The following HMCN2 variants were observed in gnomAD, a reference collection of about 807,000 sequenced individuals.
HMCN2 encodes the protein hemicentin 2, also known as hemicentin-2.
HMCN2 carries 325 observed loss-of-function variants against 377.5 expected under a neutral mutation model. The observed-to-expected ratio is 0.86, with a 90% CI of 0.79 to 0.94. The LOEUF is 0.94. Ranked by LOEUF, HMCN2 falls within the 40% of genes least tolerant of loss-of-function variation. HMCN2 has a pLI of 0.00. For synonymous variants in HMCN2, 2,007 were observed against 2,046.8 expected (o/e 0.98, Z 0.53); for missense variants, 4,543 against 4,725.3 (o/e 0.96, Z 1.13).
intron 78 of HMCN2, 26 bp from the exon 79 acceptor site, chr9:130,403,168 G>A (rs1177302796): frequency 1.6e-6 from 2 of 1,282,768 alleles, no homozygotes; most frequent in East Asian, 5.6e-5. Flanking sequence ...CATTCTCAGG[G>A]CCCTCTGCAC....
At chr9:130,375,461 C>A in intron 49 of HMCN2, 102 bp from the exon 50 acceptor site, 1 of 599,272 alleles carries the variant, frequency 1.7e-6, no homozygotes, top group Middle Eastern at 8.6e-4. Flanking sequence ...ATGTAACTGA[C>A]AGAAGTACCG....
At chr9:130,365,026 C>T (rs1335617822) in intron 41 of HMCN2, 137 bp downstream of exon 41, 2 of 404,002 alleles carry the variant, frequency 5.0e-6, no homozygotes, top group African/African-American at 2.2e-5. Flanking sequence ...AGGACTGGTT[C>T]CTCGGGGCCT....
chr9:130,399,304 TAC>T (rs1472439102), intron 75 of HMCN2, among the ~76,000 whole-genome samples: 1 of 147,984 alleles, frequency 6.8e-6, no homozygotes, highest in Admixed American at 6.7e-5. Flanking sequence ...AAAACCAATG[TAC>T]AGAGAAACAG....
intron 77 of HMCN2, among the ~76,000 whole-genome samples, chr9:130,401,889 C>G (rs757398508): frequency 2.0e-5 from 3 of 151,878 alleles, no homozygotes; most frequent in Admixed American, 6.6e-5. Flanking sequence ...GCCTGGGCAA[C>G]ACAGCAAGAC....
At position 130,399,624 on chromosome 9, in the gene HMCN2, C is replaced by G. The variant is rs1359151257; in HGVS notation, c.11597C>G (p.Thr3866Ser). 1 of 1,289,518 alleles carries G rather than the reference C, an allele frequency of 7.8e-7. No homozygotes were observed. Among genetic ancestry groups the G allele is most frequent in the African/African-American group, 1.5e-5 (1 of 66,000 alleles). 79.9% of individuals were successfully genotyped at this position (1,289,518 alleles called of 1,614,324 possible). A position where few individuals can be genotyped will look rare whatever the true frequency, so the allele number is the denominator to read the frequency against. ...GAGGCCCACAGGCTCTACCAGGTGA[C>G]CGTCCATGGTGAGTCGGGGCAGAGG... is the stretch of plus-strand genomic sequence containing the variant. ...VGEAHRLYQV[T>S]VHVPPTIADD... Residue 3866 changes from threonine to serine, a missense_variant, in exon 76 of 98, where the codon ACC becomes AGC. Thr to Ser is a moderately conservative substitution (Grantham distance 58). Around this residue, in one of 5 missense-constraint regions of HMCN2, gnomAD observed 1,073 missense variants for 1,319.5 expected, o/e 0.81. Coordinates refer to ENST00000683500, the MANE Select transcript of HMCN2 (RefSeq NM_001291815.2).
intron 94 of HMCN2, chr9:130,429,917 C>A: frequency 1.3e-6 from 1 of 782,980 alleles, no homozygotes; most frequent in Non-Finnish European, 1.9e-6. Flanking sequence ...AAACCTCAGC[C>A]TGACCCTGTG....
chr9:130,418,995 C>T lies in HMCN2; in HGVS notation c.13185C>T (p.His4395=). 2 of 1,505,576 alleles carry T rather than the reference C, an allele frequency of 1.3e-6. No individual in the cohort carries two copies. The highest frequency in any genetic ancestry group is 1.3e-5 in the South Asian group (1 of 77,812). 93.3% of individuals were successfully genotyped at this position (1,505,576 alleles called of 1,614,324 possible). ...CAGGCACCTACGACTGCGTCGCTCA[C>T]AACCTCCTGGGCTCTGCCACAGCCC... The part of the protein sequence containing the change: ...GDAGTYDCVA[H]NLLGSATARA... The change falls in exon 86 of 98, where the codon CAC becomes CAT. Residue 4395 remains histidine, a synonymous_variant. Coordinates refer to ENST00000683500, the MANE Select transcript of HMCN2 (RefSeq NM_001291815.2).
rs538699261 is a variant in HMCN2, at chr9:130,433,798, C to T, written c.*105C>T. 25 of 957,392 alleles carry T rather than the reference C, an allele frequency of 2.6e-5. No homozygotes were observed. The highest frequency in any genetic ancestry group is 3.6e-5 in the Non-Finnish European group (25 of 686,412). The allele number at this position is 957,392 out of a possible 1,614,324, so 59.3% of individuals were successfully genotyped here. ...TGTGGCAAGCGGAGCGTCATCGTCT[C>T]CCGCCCCGTGCGTCAGCGAGACCTT... is the stretch of plus-strand genomic sequence containing the variant. On this transcript the variant is annotated 3_prime_UTR_variant, in exon 98 of 98. Transcript: ENST00000683500.
chr9:130,392,229 C>G, intron 66 of HMCN2, 111 bp downstream of exon 66: 1 of 759,616 alleles, frequency 1.3e-6, no homozygotes. Flanking sequence ...ACCCACTCCC[C>G]ACCCCACAGC....
intron 34 of HMCN2, among the ~76,000 whole-genome samples, chr9:130,357,058 GAGGATGGA>G (rs377007850): frequency 0.14 from 18,870 of 134,168 alleles, 1,300 homozygotes; most frequent in Admixed American, 0.16. Flanking sequence ...AGATAGAAGG[GAGGATGGA>G]TGGATGGATG....
At chr9:130,405,429 G>A (rs567558647) in intron 81 of HMCN2, among the ~76,000 whole-genome samples, 1 of 152,310 alleles carries the variant, frequency 6.6e-6, no homozygotes, top group South Asian at 2.1e-4. Context: ...GTATGGGTGG[G>A]ACCCCCAACC....
chr9:130,388,977 C>CTG, intron 62 of HMCN2, among the ~76,000 whole-genome samples: 1 of 152,294 alleles, frequency 6.6e-6, no homozygotes, highest in Non-Finnish European at 1.5e-5. Context: ...CCATTCTGGC[C>CTG]GCTGCTGTGC....
Position 130,315,988 on chromosome 9 carries a change from G to A in HMCN2, c.2351-3507G>A, listed in dbSNP as rs1003115586. Among the ~76,000 whole-genome samples the A allele has an allele frequency of 4.6e-5, 7 of 152,194 alleles. No homozygotes were observed. In the South Asian group the frequency reaches 1.5e-3, roughly 32 times the overall value. Reference sequence around the variant, plus strand: ...CTCAGGCTTCAACATATGGGTTTGTGGGGGACACAGTTCAGCCCGTAGCAG... The same window carrying A: ...CTCAGGCTTCAACATATGGGTTTGTAGGGGACACAGTTCAGCCCGTAGCAG... On this transcript the variant is annotated intron_variant, in intron 15 of 97. Transcript: ENST00000683500.
chr9:130,359,116 C>T (rs185917462), intron 36 of HMCN2, among the ~76,000 whole-genome samples: 57 of 151,972 alleles, frequency 3.8e-4, no homozygotes, highest in Non-Finnish European at 5.7e-4. Flanking sequence ...GTATGATTGC[C>T]GTAAGGATGG....
intron 76 of HMCN2, chr9:130,400,461 T>C (rs1842811552): frequency 5.9e-6 from 1 of 169,824 alleles, no homozygotes; most frequent in African/African-American, 2.4e-5. Flanking sequence ...CCTGCCCAGG[T>C]CAGAAACAGA....
At chr9:130,328,964 T>C (rs1250004622) in intron 22 of HMCN2, among the ~76,000 whole-genome samples, 2 of 152,224 alleles carry the variant, frequency 1.3e-5, no homozygotes, top group African/African-American at 4.8e-5. Flanking sequence ...TTATCTCAAT[T>C]GTCACCTGCT....
chr9:130,357,904 G>A lies in HMCN2; in HGVS notation c.5496G>A (p.Gln1832=). Residue 1832 remains glutamine, a synonymous_variant, in exon 35 of 98, where the codon CAG becomes CAA. Transcript: ENST00000683500. Reference sequence around the variant, plus strand: ...CTTTCCTGCAGCCTGTGACCCTCCAGTGCATAGGGGATGGGGTGCCCACCC... The same window carrying A: ...CTTTCCTGCAGCCTGTGACCCTCCAATGCATAGGGGATGGGGTGCCCACCC... ...TAPFLQPVTL[Q]CIGDGVPTPS... is the part of the protein sequence containing the mutation. 7.7e-7 allele frequency: 1 copy of A among 1,304,204 alleles called. No homozygotes were observed. The highest frequency in any genetic ancestry group is 1.0e-6 in the Non-Finnish European group (1 of 988,906). The allele number at this position is 1,304,204 out of a possible 1,614,324, so 80.8% of individuals were successfully genotyped here.
chr9:130,408,798 C>T lies in HMCN2; in HGVS notation c.12744C>T (p.Gly4248=). 7.8e-7 allele frequency: 1 copy of T among 1,289,746 alleles called. No homozygotes were observed. Among genetic ancestry groups the T allele is most frequent in the Non-Finnish European group, 1.0e-6 (1 of 988,820 alleles). 79.9% of individuals were successfully genotyped at this position (1,289,746 alleles called of 1,614,324 possible). A position where few individuals can be genotyped will look rare whatever the true frequency, so the allele number is the denominator to read the frequency against. The change falls in exon 84 of 98, where the codon GGC becomes GGT. Residue 4248 remains glycine, a synonymous_variant. Transcript: ENST00000683500. ...AFSYLVEPVG[G]SIQLDCVVRG... Reference sequence around the variant, plus strand: ...CCTACCTGGTGGAACCTGTAGGAGGCAGCATTCAGCTAGACTGTGTGGTGC... The same window carrying T: ...CCTACCTGGTGGAACCTGTAGGAGGTAGCATTCAGCTAGACTGTGTGGTGC...
At chr9:130,298,345 C>A (rs1453805160) in intron 7 of HMCN2, among the ~76,000 whole-genome samples, 1 of 152,098 alleles carries the variant, frequency 6.6e-6, no homozygotes, top group African/African-American at 2.4e-5. Context: ...GACAACACAG[C>A]AAGACCCCAT....
Sources: gnomAD v4.1 joint callset for allele counts (sites outside exome capture counted in the v4.1 genomes callset) on GRCh38, gnomAD v4.1.1 for gene constraint, gnomAD v4.1.1 regional missense constraint, MANE v1.5 for transcripts, NCBI Gene and HGNC (gene_info 2026-07-23, HGNC 2026-07-21) for gene names.